TOGARAM2: variants seen among roughly 807,000 people sequenced by gnomAD.
TOGARAM2 encodes the protein TOG array regulator of axonemal microtubules protein 2.
A neutral mutation model predicts 93.3 loss-of-function variants in TOGARAM2; 85 were observed. That is an observed-to-expected ratio of 0.91 (90% CI 0.76 to 1.09). The LOEUF is 1.09. Ranked by LOEUF, TOGARAM2 falls within the 50% of genes least tolerant of loss-of-function variation. The probability of loss-of-function intolerance (pLI) is 0.00; values close to 1 mark genes in which losing one functional copy is unlikely to be tolerated. For missense variants in TOGARAM2, 1,277 were observed against 1,334.5 expected, an observed-to-expected ratio of 0.96 and a Z score of 0.67; for synonymous variants, 593 against 552.8, an observed-to-expected ratio of 1.07 and a Z score of -1.02.
chr2:29,004,559 CGTGT>C (rs1401561473), intron 6 of TOGARAM2, among the ~76,000 whole-genome samples: 6 of 152,172 alleles, frequency 3.9e-5, no homozygotes, highest in African/African-American at 1.4e-4. Flanking sequence ...TGTCAGAGCA[CGTGT>C]GTGTGAGAGT....
chr2:29,005,943 G>T (rs555727901), intron 6 of TOGARAM2, among the ~76,000 whole-genome samples: 3 of 142,438 alleles, frequency 2.1e-5, no homozygotes, highest in Admixed American at 1.4e-4. Context: ...TGTGTGTGGG[G>T]TATGTGTGCA....
chr2:29,012,782 C>G (rs980393539), intron 7 of TOGARAM2, among the ~76,000 whole-genome samples: 1 of 152,242 alleles, frequency 6.6e-6, no homozygotes, highest in Non-Finnish European at 1.5e-5. Context: ...TAGGGGCTCA[C>G]AGGGTCTTGT....
At chr2:29,013,500 A>G (rs2148327350) in intron 7 of TOGARAM2, among the ~76,000 whole-genome samples, 1 of 152,344 alleles carries the variant, frequency 6.6e-6, no homozygotes, top group South Asian at 2.1e-4. Flanking sequence ...AGGGACGCCA[A>G]CAGTGCAGCC....
intron 1 of TOGARAM2, among the ~76,000 whole-genome samples, chr2:28,966,270 C>T (rs975278988): frequency 6.6e-6 from 1 of 151,618 alleles, no homozygotes; most frequent in Non-Finnish European, 1.5e-5. Context: ...GGATTACAGG[C>T]GTGAGCTTAT....
At chr2:28,966,271 G>A (rs547851866) in intron 1 of TOGARAM2, among the ~76,000 whole-genome samples, 18 of 151,948 alleles carry the variant, frequency 1.2e-4, no homozygotes, top group African/African-American at 1.9e-4. Flanking sequence ...GATTACAGGC[G>A]TGAGCTTATT....
intron 1 of TOGARAM2, among the ~76,000 whole-genome samples, chr2:28,982,089 A>G (rs1271358378): frequency 2.6e-5 from 4 of 152,084 alleles, no homozygotes; most frequent in Non-Finnish European, 5.9e-5. Flanking sequence ...CAGGTTTCTC[A>G]TCTGTGAAGA....
chr2:29,021,038 C>G (rs1268541184), intron 10 of TOGARAM2, among the ~76,000 whole-genome samples: 1 of 152,110 alleles, frequency 6.6e-6, no homozygotes, highest in Non-Finnish European at 1.5e-5. Flanking sequence ...CTCAGCCTCC[C>G]GAGTATCTGG....
intron 6 of TOGARAM2, among the ~76,000 whole-genome samples, chr2:29,004,184 G>A (rs1191799223): frequency 6.6e-6 from 1 of 152,118 alleles, no homozygotes; most frequent in African/African-American, 2.4e-5. Flanking sequence ...GTTTCAGCAT[G>A]TTGGCCAGGC....
intron 6 of TOGARAM2, among the ~76,000 whole-genome samples, chr2:29,007,940 A>C (rs1663986615): frequency 6.7e-6 from 1 of 148,906 alleles, no homozygotes; most frequent in Non-Finnish European, 1.5e-5. Context: ...CCCTTTCCCC[A>C]CCCATTCATT....
intron 5 of TOGARAM2, 63 bp from the exon 6 acceptor site, chr2:29,003,429 G>A (rs1443452115): frequency 1.5e-6 from 2 of 1,335,398 alleles, no homozygotes; most frequent in Non-Finnish European, 2.0e-6. Flanking sequence ...GAGGTGCCTG[G>A]AGGTGAGCAT....
intron 17 of TOGARAM2, 71 bp from the exon 18 acceptor site, chr2:29,036,470 A>G: frequency 1.3e-6 from 2 of 1,490,352 alleles, no homozygotes; most frequent in South Asian, 1.2e-5. Flanking sequence ...GTGAGCTCCA[A>G]GCTGCCTGCA....
chr2:29,024,528 G>C (rs1665207205), intron 13 of TOGARAM2, among the ~76,000 whole-genome samples, 154 bp downstream of exon 13: 1 of 152,170 alleles, frequency 6.6e-6, no homozygotes, highest in Admixed American at 6.5e-5. Context: ...AGATGCTAGA[G>C]GACAGGGTGA....
At chr2:29,001,098 C>T (rs917219816) in intron 4 of TOGARAM2, among the ~76,000 whole-genome samples, 4 of 152,148 alleles carry the variant, frequency 2.6e-5, no homozygotes, top group African/African-American at 9.7e-5. Flanking sequence ...GCTGGGGCTG[C>T]TCTGGCCCCT....
At chr2:29,032,758 G>T in intron 14 of TOGARAM2, 176 bp from the exon 15 acceptor site, 1 of 575,004 alleles carries the variant, frequency 1.7e-6, no homozygotes, top group Non-Finnish European at 3.0e-6. Context: ...TTGGTAATGG[G>T]ATTATAGATG....
upstream of TOGARAM2, among the ~76,000 whole-genome samples, chr2:28,976,357 T>C (rs55762746): frequency 0.23 from 34,256 of 151,890 alleles, 4,105 homozygotes; most frequent in East Asian, 0.35. Flanking sequence ...GGCGACAGAG[T>C]GAGACTCCAT....
chr2:29,006,493 G>A (rs1207469076), intron 6 of TOGARAM2, among the ~76,000 whole-genome samples: 1 of 152,030 alleles, frequency 6.6e-6, no homozygotes, highest in Non-Finnish European at 1.5e-5. Context: ...CATGTGTGTG[G>A]AGTGTGTGTG....
intron 10 of TOGARAM2, among the ~76,000 whole-genome samples, chr2:29,018,884 C>A (rs1664758699): frequency 6.6e-6 from 1 of 152,184 alleles, no homozygotes; most frequent in Admixed American, 6.5e-5. Context: ...AGGAGATCCT[C>A]TTTCAGGCTC....
At chr2:28,977,452 G>A (rs73922917), upstream of TOGARAM2, among the ~76,000 whole-genome samples, 11 of 152,100 alleles carry the variant, frequency 7.2e-5, no homozygotes, top group African/African-American at 2.7e-4. Flanking sequence ...ACCAGCCCAG[G>A]GGGTCAGAAC....
upstream of TOGARAM2, among the ~76,000 whole-genome samples, chr2:28,977,818 C>T (rs1041405264): frequency 1.3e-5 from 2 of 152,088 alleles, no homozygotes; most frequent in Non-Finnish European, 2.9e-5. Context: ...AGATGAGAGG[C>T]ACCTCTTTTC....
Sources: allele counts gnomAD v4.1 joint callset (sites outside exome capture counted in the v4.1 genomes callset), GRCh38; gene constraint gnomAD v4.1.1; transcripts MANE v1.5; gene names NCBI Gene and HGNC (gene_info 2026-07-23, HGNC 2026-07-21).